The following MATN2 variants were observed in gnomAD, a reference collection of about 807,000 sequenced individuals.
MATN2 encodes matrilin 2.
MATN2 carries 69 observed loss-of-function variants against 103.2 expected under a neutral mutation model. That is an observed-to-expected ratio of 0.67 (90% CI 0.55 to 0.82). The LOEUF (loss-of-function observed/expected upper bound fraction) is 0.82, where lower values mean the gene tolerates loss of function less well. Ranked by LOEUF, MATN2 falls within the 40% of genes least tolerant of loss-of-function variation. The pLI is 0.00. For missense variants in MATN2, 1,023 were observed against 1,211.5 expected, an observed-to-expected ratio of 0.84 and a Z score of 2.31; for synonymous variants, 429 against 450.2, an observed-to-expected ratio of 0.95 and a Z score of 0.60.
chr8:97,983,178 C>A (rs564395001), intron 6 of MATN2, among the ~76,000 whole-genome samples: 7 of 152,274 alleles, frequency 4.6e-5, no homozygotes, highest in African/African-American at 1.7e-4. Flanking sequence ...GCATAATGTC[C>A]TCAAGGTTTA....
rs58787598 is a variant in MATN2 at position 98,001,122 on chromosome 8, A to G, written c.1205-2539A>G. ...AATCTAGTCATTACTTTATGATTTC[A>G]GATCATTTCCCCTGTATCAGTTATG... On this transcript the variant is annotated intron_variant, in intron 7 of 18. Transcript: ENST00000254898. Among the ~76,000 whole-genome samples, 1,445 of 152,348 alleles carry G rather than the reference A, an allele frequency of 9.5e-3. 17 individuals are homozygous for G. The highest frequency in any genetic ancestry group is 0.033 in the African/African-American group (1,359 of 41,578).
intron 2 of MATN2, among the ~76,000 whole-genome samples, chr8:97,904,798 C>T (rs1045764939): frequency 2.8e-4 from 42 of 151,340 alleles, no homozygotes; most frequent in Non-Finnish European, 7.4e-5. Context: ...TAGAGATCAT[C>T]TCATTGAGAA....
Position 97,973,594 on chromosome 8 carries a change from T to C in MATN2, c.959-5292T>C, listed in dbSNP as rs1811732359. Among the ~76,000 whole-genome samples the C allele has an allele frequency of 2.8e-5, 4 of 140,662 alleles. No individual in the cohort carries two copies. The Admixed American group carries it at 3.0e-4, about 11-fold the overall frequency. 92.3% of individuals were successfully genotyped at this position (140,662 alleles called of 152,430 possible). A position where few individuals can be genotyped will look rare whatever the true frequency, so the allele number is the denominator to read the frequency against. On this transcript the variant is annotated intron_variant, in intron 5 of 18. Transcript: ENST00000254898. ...ATCTTTTTTTTTTTTTTTTTTGAGATGGTATAATTCTGTTGCCCAGATTGG... is the reference window on the plus strand; with the variant it reads ...ATCTTTTTTTTTTTTTTTTTTGAGACGGTATAATTCTGTTGCCCAGATTGG...
At chr8:97,967,411 G>C (rs1811517361) in intron 5 of MATN2, among the ~76,000 whole-genome samples, 1 of 151,606 alleles carries the variant, frequency 6.6e-6, no homozygotes, top group South Asian at 2.1e-4. Context: ...CTGGAGATGA[G>C]TTCCTTCCAC....
At position 98,035,877 on chromosome 8, in the gene MATN2, C is replaced by G. The variant is rs1814230475; in HGVS notation, c.*165C>G. 2.3e-6 allele frequency: 1 copy of G among 425,684 alleles called. No homozygotes were observed. The highest frequency in any genetic ancestry group is 2.0e-5 in the African/African-American group (1 of 48,958). 26.4% of individuals were successfully genotyped at this position (425,684 alleles called of 1,614,324 possible). A position where few individuals can be genotyped will look rare whatever the true frequency, so the allele number is the denominator to read the frequency against. On this transcript the variant is annotated 3_prime_UTR_variant, in exon 19 of 19. Coordinates refer to ENST00000254898, the MANE Select transcript of MATN2 (RefSeq NM_002380.5). Reference sequence around the variant, plus strand: ...ACAGAACAAAGACAAGAAGTATACACTAACTTGTATAAATTTATCTAGGAA... The same window carrying G: ...ACAGAACAAAGACAAGAAGTATACAGTAACTTGTATAAATTTATCTAGGAA...
At chr8:97,871,901 C>T (rs952744218) in intron 1 of MATN2, among the ~76,000 whole-genome samples, 3 of 152,216 alleles carry the variant, frequency 2.0e-5, no homozygotes, top group Non-Finnish European at 4.4e-5. Flanking sequence ...AAGCACACTG[C>T]TCTTGGCACC....
At chr8:97,885,854 T>C (rs1818405633) in intron 1 of MATN2, among the ~76,000 whole-genome samples, 1 of 152,134 alleles carries the variant, frequency 6.6e-6, no homozygotes, top group Admixed American at 6.6e-5. Flanking sequence ...TTATTTGTAA[T>C]GAGCTAGTGC....
chr8:97,979,302 A>T (rs1302866791), intron 6 of MATN2, among the ~76,000 whole-genome samples: 2 of 152,216 alleles, frequency 1.3e-5, no homozygotes, highest in Non-Finnish European at 2.9e-5. Context: ...CTGCTAACTC[A>T]GCCTGACTGT....
rs16896493 is a variant in MATN2, at chr8:97,982,692, G to T, written c.1081+3684G>T. Among the ~76,000 whole-genome samples, 1 of 151,992 alleles carries T rather than the reference G, an allele frequency of 6.6e-6. No homozygotes were observed. The highest frequency in any genetic ancestry group is 1.9e-4 in the East Asian group (1 of 5,196). ...AAATATGTAAGTGGTGTTCAAAAAA[G>T]CACCACCTTTATATCAATTTCTTAC... On this transcript the variant is annotated intron_variant, in intron 6 of 18. Coordinates refer to ENST00000254898, the MANE Select transcript of MATN2 (RefSeq NM_002380.5). The surrounding 1 kb of genome is among the most constrained non-coding windows in gnomAD (Gnocchi z 4.3).
rs1813357796 is a variant in MATN2, at chr8:98,016,447, C to T, written c.1574-93C>T. On this transcript the variant is annotated intron_variant, in intron 10 of 18. Coordinates refer to ENST00000254898, the MANE Select transcript of MATN2 (RefSeq NM_002380.5). The stretch of plus-strand genomic sequence containing the variant: ...TGTAGGATAAGGCACTGTTTTAATT[C>T]AAAGTGTCTGAAATGTCTTTTATGA... 3 of 1,148,334 alleles carry T rather than the reference C, an allele frequency of 2.6e-6. No individual in the cohort carries two copies. In the East Asian group the frequency reaches 7.8e-5, roughly 30 times the overall value. The allele number at this position is 1,148,334 out of a possible 1,614,324, so 71.1% of individuals were successfully genotyped here. A position where few individuals can be genotyped will look rare whatever the true frequency, so the allele number is the denominator to read the frequency against.
chr8:98,031,520 T>G (rs1814019381), intron 15 of MATN2: 1 of 152,206 alleles, frequency 6.6e-6, no homozygotes, highest in Non-Finnish European at 1.5e-5. Flanking sequence ...AATCATTATA[T>G]AAATCAGGAG....
At chr8:97,925,111 A>G (rs577502226) in intron 2 of MATN2, among the ~76,000 whole-genome samples, 10 of 152,308 alleles carry the variant, frequency 6.6e-5, no homozygotes, top group Admixed American at 3.9e-4. Context: ...TGGAAGATTT[A>G]TAGACAAAAA....
Position 97,961,499 on chromosome 8 carries a change from C to T in MATN2, c.927C>T (p.Tyr309=), listed in dbSNP as rs372237220. 90 of 1,613,384 alleles carry T rather than the reference C, an allele frequency of 5.6e-5. No homozygotes were observed. Among genetic ancestry groups the T allele is most frequent in the African/African-American group, 4.1e-4 (31 of 75,034 alleles). The stretch of plus-strand genomic sequence containing the variant: ...TCGTCTGCCAGTGCTACAGTGGCTA[C>T]GCCCTGGCTGAGGATGGGAAGAGGT... ...GSFVCQCYSG[Y]ALAEDGKRCV... The change falls in exon 5 of 19, where the codon TAC becomes TAT. Residue 309 remains tyrosine (Y), a synonymous_variant. Coordinates refer to ENST00000254898, the MANE Select transcript of MATN2 (RefSeq NM_002380.5).
In MATN2 at chr8:97,935,063, C is replaced by G. The variant is rs540776692; in HGVS notation, c.712+3541C>G. Among the ~76,000 whole-genome samples the G allele has an allele frequency of 6.6e-5, 10 of 152,238 alleles. No homozygotes were observed. In the East Asian group the frequency reaches 1.9e-3, roughly 29 times the overall value. On this transcript the variant is annotated intron_variant, in intron 3 of 18. Transcript: ENST00000254898. The stretch of plus-strand genomic sequence containing the variant: ...GTATTCCACTTAATACTTAAAATAG[C>G]CGTTTGAGATAGGTACTATCATTAT...
At chr8:97,991,721 CA>C (rs140017044) in intron 6 of MATN2, among the ~76,000 whole-genome samples, 21,134 of 137,886 alleles carry the variant, frequency 0.15, 1,472 homozygotes, top group Middle Eastern at 0.19. Flanking sequence ...GACTCTATCT[CA>C]AAAAAAAAAA....
chr8:97,989,579 A>G (rs1274836677), intron 6 of MATN2, among the ~76,000 whole-genome samples: 2 of 152,230 alleles, frequency 1.3e-5, no homozygotes, highest in Non-Finnish European at 2.9e-5. Context: ...TGCTTTCTTT[A>G]TCAGATCAGG....
intron 4 of MATN2, chr8:97,952,227 C>G (rs1320548791): frequency 1.3e-5 from 2 of 152,202 alleles, no homozygotes; most frequent in African/African-American, 2.4e-5. Flanking sequence ...ACCCACTTCT[C>G]CTTCTCTCTT....
At chr8:97,929,103 G>A (rs1380197090) in intron 2 of MATN2, among the ~76,000 whole-genome samples, 1 of 152,116 alleles carries the variant, frequency 6.6e-6, no homozygotes, top group Non-Finnish European at 1.5e-5. Flanking sequence ...GGGTATGTCA[G>A]AACGTTGGTT....
chr8:98,005,463 G>A lies in MATN2; in HGVS notation c.1328-1642G>A, dbSNP rs1254380821. Among the ~76,000 whole-genome samples the A allele has an allele frequency of 2.6e-5, 4 of 152,110 alleles. No homozygotes were observed. Among genetic ancestry groups the A allele is most frequent in the African/African-American group, 7.2e-5 (3 of 41,428 alleles). On this transcript the variant is annotated intron_variant, in intron 8 of 18. Coordinates refer to ENST00000254898, the MANE Select transcript of MATN2 (RefSeq NM_002380.5). The surrounding 1 kb of genome is among the most constrained non-coding windows in gnomAD (Gnocchi z 4.6). ...GTGGTCCTGACCTGGCTGAGCCCAC[G>A]CAGATCACCAGGGACATGGCTTGAC...
Sources: allele counts gnomAD v4.1 joint callset (sites outside exome capture counted in the v4.1 genomes callset), GRCh38; gene constraint gnomAD v4.1.1; non-coding constraint Gnocchi (gnomAD v3.1); transcripts MANE v1.5; gene names NCBI Gene and HGNC (gene_info 2026-07-23, HGNC 2026-07-21).